Variants in DCLK3 observed in about 807,000 individuals in gnomAD.
DCLK3 encodes doublecortin like kinase 3.
In DCLK3, 30 loss-of-function variants were observed where a neutral mutation model predicts 46.4. The observed-to-expected ratio is 0.65, with a 90% CI of 0.48 to 0.88. The LOEUF is 0.88. Among genes scored for constraint, DCLK3 ranks in the 40% least tolerant of loss-of-function variants. The probability of loss-of-function intolerance (pLI) is 0.00; values close to 1 mark genes in which losing one functional copy is unlikely to be tolerated. For synonymous variants in DCLK3, 401 were observed against 339.2 expected, an observed-to-expected ratio of 1.18 and a Z score of -2.00; for missense variants, 846 against 907.1, an observed-to-expected ratio of 0.93 and a Z score of 0.87.
chr3:36,756,535 C>T (rs1701486041), intron 1 of DCLK3, among the ~76,000 whole-genome samples: 1 of 152,204 alleles, frequency 6.6e-6, no homozygotes, highest in South Asian at 2.1e-4. Context: ...GCCTCTGGCA[C>T]AAATGGAGAG....
intron 3 of DCLK3, among the ~76,000 whole-genome samples, chr3:36,720,708 T>C (rs1283032072): frequency 6.6e-6 from 1 of 152,150 alleles, no homozygotes; most frequent in Non-Finnish European, 1.5e-5. Context: ...GGTTTCACCA[T>C]GTTGGCCAGG....
At chr3:36,741,266 G>A (rs546795105) in intron 1 of DCLK3, among the ~76,000 whole-genome samples, 551 of 152,262 alleles carry the variant, frequency 3.6e-3, no homozygotes, top group Non-Finnish European at 6.6e-3. Context: ...AAAAGGGCTG[G>A]TGTTCTTGTT....
chr3:36,723,722 G>C (rs1028887492), intron 2 of DCLK3, among the ~76,000 whole-genome samples: 2 of 152,190 alleles, frequency 1.3e-5, no homozygotes, highest in African/African-American at 4.8e-5. Flanking sequence ...AAGAATTGGG[G>C]TTTAGGAACC....
At chr3:36,716,944 C>T (rs1559385644) in intron 4 of DCLK3, among the ~76,000 whole-genome samples, 1 of 152,192 alleles carries the variant, frequency 6.6e-6, no homozygotes, top group East Asian at 1.9e-4. Flanking sequence ...TCTACTGTGA[C>T]AAGCCACCCT....
chr3:36,739,910 C>A (rs1004121961), intron 1 of DCLK3: 1 of 152,186 alleles, frequency 6.6e-6, no homozygotes, highest in African/African-American at 2.4e-5. Flanking sequence ...CCATGAAACA[C>A]CAACAAGAGG....
chr3:36,721,418 A>G (rs1575135190), intron 3 of DCLK3, 109 bp downstream of exon 3: 1 of 1,415,852 alleles, frequency 7.1e-7, no homozygotes, highest in Non-Finnish European at 9.7e-7. Flanking sequence ...TCCAAGCCTA[A>G]GTGTCAGTTC....
Position 36,737,185 on chromosome 3 carries a change from T to A in DCLK3, c.1959+23A>T, listed in dbSNP as rs750172914. 5.9e-5 allele frequency: 95 copies of A among 1,604,210 alleles called. 2 individuals carry two copies. In the Middle Eastern group the frequency reaches 1.8e-3, roughly 31 times the overall value. ...CATATTCTAAAAACACCCTCTCCCA[T>A]ATCATCAAAAGTCAAGGCTTACCAA... On this transcript the variant is annotated intron_variant, in intron 2 of 4. Coordinates refer to ENST00000636136, the MANE Select transcript of DCLK3 (RefSeq NM_001394672.2). This position sits in a 1 kb window ranked among gnomAD's most constrained non-coding sequence, Gnocchi z 4.4.
At chr3:36,730,894 A>C (rs1239617198) in intron 2 of DCLK3, among the ~76,000 whole-genome samples, 1 of 152,028 alleles carries the variant, frequency 6.6e-6, no homozygotes, top group Non-Finnish European at 1.5e-5. Context: ...AGAAACAGCA[A>C]ATGTGAAGGC....
chr3:36,752,928 G>A (rs1002949170), intron 1 of DCLK3, among the ~76,000 whole-genome samples: 2 of 152,168 alleles, frequency 1.3e-5, no homozygotes, highest in African/African-American at 2.4e-5. Context: ...ACAAATATAT[G>A]TGAGCCAATG....
At chr3:36,762,935 CTCTTT>C (rs1051655630) in intron 1 of DCLK3, among the ~76,000 whole-genome samples, 3 of 152,070 alleles carry the variant, frequency 2.0e-5, no homozygotes, top group Non-Finnish European at 4.4e-5. Flanking sequence ...AAACCCAATA[CTCTTT>C]TCTTTTTTTT....
chr3:36,763,432 C>G (rs1701556308), intron 1 of DCLK3, among the ~76,000 whole-genome samples: 1 of 152,254 alleles, frequency 6.6e-6, no homozygotes, highest in Non-Finnish European at 1.5e-5. Flanking sequence ...CAGGGCCAGA[C>G]ATGGAAAGGA....
Position 36,720,747 on chromosome 3 carries a change from T to G in DCLK3, c.2092+780A>C, listed in dbSNP as rs141462176. On this transcript the variant is annotated intron_variant, in intron 3 of 4. Transcript: ENST00000636136. Reference sequence around the variant, plus strand: ...GTTTCAAATGCCTGACCTCAGGTGATCCACCTGCCTCAGCCTCCCAAAGAG... The same window carrying G: ...GTTTCAAATGCCTGACCTCAGGTGAGCCACCTGCCTCAGCCTCCCAAAGAG... Among the ~76,000 whole-genome samples, 40 of 152,272 alleles carry G rather than the reference T, an allele frequency of 2.6e-4. No homozygotes were observed. The East Asian group carries it at 7.5e-3, about 29-fold the overall frequency.
intron 1 of DCLK3, among the ~76,000 whole-genome samples, chr3:36,753,389 G>A (rs908624048): frequency 5.9e-5 from 9 of 152,090 alleles, no homozygotes; most frequent in African/African-American, 2.2e-4. Context: ...TGAACATGTT[G>A]GAAGCAAAAT....
At chr3:36,745,151 T>C (rs1255365017) in intron 1 of DCLK3, among the ~76,000 whole-genome samples, 1 of 152,256 alleles carries the variant, frequency 6.6e-6, no homozygotes, top group African/African-American at 2.4e-5. Flanking sequence ...GTTATAAGAT[T>C]AGCTGCTAAT....
At chr3:36,736,797 C>A (rs1701268362) in intron 2 of DCLK3, among the ~76,000 whole-genome samples, 1 of 152,160 alleles carries the variant, frequency 6.6e-6, no homozygotes, top group Admixed American at 6.5e-5. Flanking sequence ...AGCTGCTTAG[C>A]AAAGCATTAT....
chr3:36,762,129 G>T (rs1701545400), intron 1 of DCLK3, among the ~76,000 whole-genome samples: 1 of 152,274 alleles, frequency 6.6e-6, no homozygotes, highest in South Asian at 2.1e-4. Flanking sequence ...TGATCAGGGG[G>T]CTAGTGGACA....
intron 3 of DCLK3, among the ~76,000 whole-genome samples, chr3:36,721,197 T>C (rs1575135087): frequency 6.6e-6 from 1 of 152,096 alleles, no homozygotes; most frequent in Non-Finnish European, 1.5e-5. Flanking sequence ...AGAGATAGCC[T>C]TGGGTCAAGT....
rs768777296 is a variant in DCLK3 at position 36,737,406 on chromosome 3, A to G, written c.1761T>C (p.His587=). The change falls in exon 2 of 5, where the codon CAT becomes CAC. Residue 587 remains histidine (H), a synonymous_variant. Transcript: ENST00000636136. This position sits in a 1 kb window ranked among gnomAD's most constrained non-coding sequence, Gnocchi z 4.4. ...TTTCCATGTCTGTTTCGTAGACTTC[A>G]TGCAATTTCACGATGTTGGGGTGAG... is the stretch of plus-strand genomic sequence containing the variant. The part of the protein sequence containing the change: ...SLSHPNIVKL[H]EVYETDMEIY... 3.7e-6 allele frequency: 6 copies of G among 1,614,080 alleles called. No homozygotes were observed. In the African/African-American group the frequency reaches 4.0e-5, roughly 11 times the overall value.
chr3:36,727,091 C>T (rs541452720), intron 2 of DCLK3, among the ~76,000 whole-genome samples: 19 of 151,900 alleles, frequency 1.3e-4, no homozygotes, highest in African/African-American at 4.6e-4. Flanking sequence ...GAGACCAGCC[C>T]GGCCAACATG....
Sources: gnomAD v4.1 joint callset for allele counts (sites outside exome capture counted in the v4.1 genomes callset) on GRCh38, gnomAD v4.1.1 for gene constraint, Gnocchi (gnomAD v3.1) non-coding constraint, MANE v1.5 for transcripts, NCBI Gene and HGNC (gene_info 2026-07-23, HGNC 2026-07-21) for gene names.